The following POLD3 variants were observed in gnomAD, a reference collection of about 807,000 sequenced individuals.
POLD3 encodes the protein DNA polymerase delta subunit 3.
In POLD3, 19 loss-of-function variants were observed where a neutral mutation model predicts 58.2. The observed-to-expected ratio is 0.33, with a 90% confidence interval of 0.23 to 0.48. The LOEUF is 0.48. Ranked by LOEUF, POLD3 falls within the 20% of genes least tolerant of loss-of-function variation. The pLI, the probability that POLD3 is intolerant of heterozygous loss-of-function variation, is 0.99. For missense variants in POLD3, 504 were observed against 545.5 expected (o/e 0.92, Z 0.76); for synonymous variants, 172 against 193.5 (o/e 0.89, Z 0.92).
At chr11:74,635,510 A>T (rs1270891175) in intron 10 of POLD3, among the ~76,000 whole-genome samples, 1 of 152,140 alleles carries the variant, frequency 6.6e-6, no homozygotes, top group Non-Finnish European at 1.5e-5. Flanking sequence ...ACACAGGGAG[A>T]CTTTGTCTCT....
intron 7 of POLD3, among the ~76,000 whole-genome samples, chr11:74,624,106 A>G (rs1031542972): frequency 5.9e-5 from 9 of 152,188 alleles, no homozygotes; most frequent in African/African-American, 1.9e-4. Context: ...AACAATTGCT[A>G]TTAAAACAAT....
At chr11:74,639,118 G>A (rs2032838638) in intron 11 of POLD3, among the ~76,000 whole-genome samples, 1 of 152,114 alleles carries the variant, frequency 6.6e-6, no homozygotes, top group African/African-American at 2.4e-5. Flanking sequence ...CCAGAGTGTG[G>A]TCCCCAGACC....
chr11:74,654,852 A>G (rs113893349), intron 4 of POLD3, among the ~76,000 whole-genome samples: 1 of 152,236 alleles, frequency 6.6e-6, no homozygotes, highest in Non-Finnish European at 1.5e-5. Context: ...AAGCAAGACA[A>G]CAATTCAGCT....
downstream of POLD3, among the ~76,000 whole-genome samples, chr11:74,647,301 C>G (rs1228989382): frequency 6.6e-6 from 1 of 152,216 alleles, no homozygotes; most frequent in African/African-American, 2.4e-5. Context: ...AACCATTTTC[C>G]TGCAAACCAT....
At chr11:74,651,183 C>G (rs1030192163) in intron 4 of POLD3, among the ~76,000 whole-genome samples, 1 of 152,178 alleles carries the variant, frequency 6.6e-6, no homozygotes, top group Non-Finnish European at 1.5e-5. Context: ...TCTCCAGTAC[C>G]TAGGACAGTG....
At position 74,620,050 on chromosome 11, in the gene POLD3, G is replaced by A. The variant is rs1565120212; in HGVS notation, c.694G>A (p.Gly232Arg). 1 of 1,613,926 alleles carries A rather than the reference G, an allele frequency of 6.2e-7. No homozygotes were observed. Among genetic ancestry groups the A allele is most frequent in the Admixed American group, 1.7e-5 (1 of 60,026 alleles). ...SAAGNKAPGK[G>R]NMMSNFFGKA... ...AGCAGGCAACAAGGCACCAGGGAAA[G>A]GGAATATGATGAGCAACTTTTTTGG... is the stretch of plus-strand genomic sequence containing the variant. The change falls in exon 7 of 12, where the codon GGG (glycine) becomes AGG (arginine). Residue 232 changes from glycine (G) to arginine (R), a missense_variant. By Grantham distance (125) the Gly-to-Arg change is moderately radical. This residue lies in a region of POLD3 where 385 missense variants were observed against 370.5 expected (regional missense o/e 1.04). Coordinates refer to ENST00000263681, the MANE Select transcript of POLD3 (RefSeq NM_006591.3).
At chr11:74,645,016 G>A (rs918283004), downstream of POLD3, among the ~76,000 whole-genome samples, 1 of 152,096 alleles carries the variant, frequency 6.6e-6, no homozygotes, top group Non-Finnish European at 1.5e-5. Flanking sequence ...AATACTTTGG[G>A]GATTGTAAGA....
intron 4 of POLD3, among the ~76,000 whole-genome samples, chr11:74,659,014 G>C (rs1381106956): frequency 6.6e-6 from 1 of 152,224 alleles, no homozygotes; most frequent in Non-Finnish European, 1.5e-5. Context: ...CTTCTGTACT[G>C]CCCTAGCAGA....
chr11:74,657,782 C>G (rs922177254), intron 4 of POLD3, among the ~76,000 whole-genome samples: 6 of 152,160 alleles, frequency 3.9e-5, no homozygotes, highest in African/African-American at 1.4e-4. Flanking sequence ...CATTAACATC[C>G]TTTTCTTTCA....
intron 9 of POLD3, among the ~76,000 whole-genome samples, chr11:74,633,686 A>G (rs1318417195): frequency 3.9e-5 from 6 of 152,182 alleles, no homozygotes; most frequent in Non-Finnish European, 8.8e-5. Context: ...TAAGACCACC[A>G]ATTCTGCAAT....
intron 7 of POLD3, 54 bp from the exon 8 acceptor site, chr11:74,625,354 T>G: frequency 1.5e-6 from 2 of 1,356,164 alleles, no homozygotes; most frequent in Non-Finnish European, 2.0e-6. Context: ...AAAAGAATGA[T>G]GTATTAATAT....
chr11:74,621,871 T>TTTA (rs1199554351), intron 7 of POLD3, among the ~76,000 whole-genome samples: 3 of 150,452 alleles, frequency 2.0e-5, no homozygotes, highest in East Asian at 1.9e-4. Flanking sequence ...ATTTATTTAT[T>TTTA]TTATTATTAT....
chr11:74,625,090 A>G (rs1191706115), intron 7 of POLD3, among the ~76,000 whole-genome samples: 3 of 152,188 alleles, frequency 2.0e-5, no homozygotes, highest in African/African-American at 7.2e-5. Context: ...ACATCTTGTA[A>G]TCCTTCTGAT....
At chr11:74,630,278 AAG>A (rs2032552614) in intron 9 of POLD3, among the ~76,000 whole-genome samples, 1 of 152,214 alleles carries the variant, frequency 6.6e-6, no homozygotes, top group Non-Finnish European at 1.5e-5. Context: ...TGAAAATGGT[AAG>A]AGAGGCTTCC....
chr11:74,634,565 T>A lies in POLD3; in HGVS notation c.1007-18T>A, dbSNP rs1244419604. The A allele has an allele frequency of 4.6e-6, 6 of 1,318,250 alleles. No homozygotes were observed. In the South Asian group the frequency reaches 7.0e-5, roughly 15 times the overall value. The allele number at this position is 1,318,250 out of a possible 1,614,324, so 81.7% of individuals were successfully genotyped here. A position where few individuals can be genotyped will look rare whatever the true frequency, so the allele number is the denominator to read the frequency against. On this transcript the variant is annotated intron_variant, in intron 9 of 11. Transcript: ENST00000263681. ...AGTGCTTGTAGTTCTCTGATCTAAG[T>A]CCGTTTCATTATTTCAGTCTTTCCA...
At chr11:74,634,778 T>A in intron 10 of POLD3, 83 bp downstream of exon 10, 1 of 799,116 alleles carries the variant, frequency 1.3e-6, no homozygotes, top group Non-Finnish European at 2.2e-6. Context: ...ATTAGTTCCC[T>A]TGCTGTATAC....
chr11:74,602,933 C>G (rs896711465), intron 2 of POLD3, among the ~76,000 whole-genome samples: 8 of 152,226 alleles, frequency 5.3e-5, no homozygotes, highest in African/African-American at 1.9e-4. Context: ...CCCTCCCTCC[C>G]TGCAGGGCTC....
chr11:74,665,441 G>T (rs2033256770), intron 4 of POLD3, among the ~76,000 whole-genome samples: 1 of 119,742 alleles, frequency 8.4e-6, no homozygotes, highest in Admixed American at 1.1e-4. Flanking sequence ...CTGTCACCCA[G>T]GCTGGATGGA....
At position 74,604,712 on chromosome 11, in the gene POLD3, A is replaced by C. The variant is rs1366210565; in HGVS notation, c.137A>C (p.Glu46Ala). ...QAKQMLYDYV[E>A]RKRKENSGAQ... ...AATAGGATGCTGTATGATTATGTTG[A>C]AAGGAAACGAAAAGAAAATTCAGGA... The change falls in exon 3 of 12, where the codon GAA becomes GCA. Residue 46 changes from glutamate (E) to alanine (A), a missense_variant. Physicochemically the swap from Glu to Ala is moderately radical, Grantham distance 107. Around this residue, in one of 2 missense-constraint regions of POLD3, gnomAD observed 119 missense variants for 175.0 expected, o/e 0.68. Coordinates refer to ENST00000263681, the MANE Select transcript of POLD3 (RefSeq NM_006591.3). The C allele has an allele frequency of 6.2e-7, 1 of 1,604,200 alleles. No individual in the cohort carries two copies. Among genetic ancestry groups the C allele is most frequent in the Admixed American group, 1.7e-5 (1 of 60,006 alleles).
Sources: gnomAD v4.1 joint callset for allele counts (sites outside exome capture counted in the v4.1 genomes callset) on GRCh38, gnomAD v4.1.1 for gene constraint, gnomAD v4.1.1 regional missense constraint, MANE v1.5 for transcripts, NCBI Gene and HGNC (gene_info 2026-07-23, HGNC 2026-07-21) for gene names.